The following OSBPL8 variants were observed in gnomAD, a reference collection of about 807,000 sequenced individuals.
OSBPL8 encodes oxysterol-binding protein-related protein 8.
OSBPL8 carries 59 observed loss-of-function variants against 125.5 expected under a neutral mutation model. The observed-to-expected ratio is 0.47, with a 90% CI of 0.38 to 0.58. OSBPL8 has a LOEUF of 0.58. Among genes scored for constraint, OSBPL8 ranks in the 20% least tolerant of loss-of-function variants. The pLI is 0.00. For synonymous variants in OSBPL8, 330 were observed against 338.9 expected (o/e 0.97, Z 0.29); for missense variants, 758 against 1,047.8 (o/e 0.72, Z 3.82).
At chr12:76,383,848 A>G (rs900530306) in intron 15 of OSBPL8, among the ~76,000 whole-genome samples, 2 of 152,172 alleles carry the variant, frequency 1.3e-5, no homozygotes, top group African/African-American at 2.4e-5. Context: ...AAAGTTAAAT[A>G]TATTTACTGA....
intron 1 of OSBPL8, among the ~76,000 whole-genome samples, chr12:76,551,117 T>C (rs1950924726): frequency 3.3e-5 from 5 of 151,888 alleles, no homozygotes; most frequent in Admixed American, 3.3e-4. Context: ...ACACACACAC[T>C]AGAAACTAGG....
At chr12:76,533,886 A>C (rs1035973327) in intron 1 of OSBPL8, among the ~76,000 whole-genome samples, 7 of 152,224 alleles carry the variant, frequency 4.6e-5, no homozygotes, top group African/African-American at 1.4e-4. Flanking sequence ...AATGAGGCAA[A>C]ATAAACAGAA....
chr12:76,493,719 T>C (rs1878980698), intron 1 of OSBPL8, among the ~76,000 whole-genome samples: 2 of 152,212 alleles, frequency 1.3e-5, no homozygotes, highest in Admixed American at 1.3e-4. Context: ...TTGGAGACCT[T>C]TGAGATTCCC....
chr12:76,383,200 G>A (rs1001381558), intron 15 of OSBPL8, among the ~76,000 whole-genome samples: 1 of 152,042 alleles, frequency 6.6e-6, no homozygotes, highest in African/African-American at 2.4e-5. Context: ...CAGAAAGTGA[G>A]CTATGCACCT....
chr12:76,423,843 C>T (rs1391791089), intron 4 of OSBPL8, among the ~76,000 whole-genome samples: 1 of 152,062 alleles, frequency 6.6e-6, no homozygotes, highest in Non-Finnish European at 1.5e-5. Context: ...TTATTAGTGG[C>T]TCATTTTTAT....
At chr12:76,542,874 A>G (rs1185064620) in intron 1 of OSBPL8, among the ~76,000 whole-genome samples, 2 of 152,188 alleles carry the variant, frequency 1.3e-5, no homozygotes, top group Admixed American at 1.3e-4. Flanking sequence ...ATTTTTTAAA[A>G]CACTCCAGTC....
intron 1 of OSBPL8, among the ~76,000 whole-genome samples, chr12:76,528,859 A>C (rs1950256422): frequency 6.6e-6 from 1 of 151,336 alleles, no homozygotes; most frequent in Non-Finnish European, 1.5e-5. Context: ...GTCTCAAAAA[A>C]ATAAAAATAA....
rs34875481 is a variant in OSBPL8, at chr12:76,456,603, CA to C, written c.79+3255del. Among the ~76,000 whole-genome samples, 26 of 143,958 alleles carry C rather than the reference CA, an allele frequency of 1.8e-4. 1 individual carries two copies. The highest frequency in any genetic ancestry group is 6.6e-4 in the South Asian group (3 of 4,550). The allele number at this position is 143,958 out of a possible 152,430, so 94.4% of individuals were successfully genotyped here. A position where few individuals can be genotyped will look rare whatever the true frequency, so the allele number is the denominator to read the frequency against. On this transcript the variant is annotated intron_variant, in intron 3 of 23. Coordinates refer to ENST00000261183, the MANE Select transcript of OSBPL8 (RefSeq NM_020841.5). ...TAGGTGACAGAGCAAGACTCCGTGT[CA>C]AAAAAAAAAAGTGCATTTAACTTTT... is the stretch of plus-strand genomic sequence containing the variant.
rs529629904 is a variant in OSBPL8 at position 76,358,304 on chromosome 12, C to G, written c.2434+402G>C. Among the ~76,000 whole-genome samples, 73 of 151,600 alleles carry G rather than the reference C, an allele frequency of 4.8e-4. 1 individual carries two copies. Among genetic ancestry groups the G allele is most frequent in the African/African-American group, 1.4e-3 (57 of 41,300 alleles). On this transcript the variant is annotated intron_variant, in intron 22 of 23. Transcript: ENST00000261183. ...AAGCAATTCTCGTGTCTCAGCCTCC[C>G]AAGTAGCTGGGATTACAGGTGTGCA...
chr12:76,390,657 C>G lies in OSBPL8; in HGVS notation c.930G>C (p.Gln310His). The change falls in exon 11 of 24, where the codon CAG (glutamine) becomes CAC (histidine). Residue 310 changes from glutamine (Q) to histidine (H), a missense_variant and splice_region_variant. Coordinates refer to ENST00000261183, the MANE Select transcript of OSBPL8 (RefSeq NM_020841.5). ...GTCGTTCAATTTCACTATCATTTAACCTTAAGGGAAAGAATTTTTAGGAGG... is the reference window on the plus strand; with the variant it reads ...GTCGTTCAATTTCACTATCATTTAAGCTTAAGGGAAAGAATTTTTAGGAGG... ...ANNLHSGDNF[Q>H]LNDSEIERQH... 6.3e-7 allele frequency: 1 copy of G among 1,591,226 alleles called. No homozygotes were observed. The highest frequency in any genetic ancestry group is 1.7e-4 in the Middle Eastern group (1 of 6,000).
chr12:76,479,309 T>C (rs1198432396), intron 2 of OSBPL8, among the ~76,000 whole-genome samples: 2 of 152,148 alleles, frequency 1.3e-5, no homozygotes, highest in East Asian at 1.9e-4. Flanking sequence ...AAACATCCCA[T>C]ATATCCCATA....
chr12:76,501,518 T>C (rs993979858), intron 1 of OSBPL8, among the ~76,000 whole-genome samples: 3 of 152,238 alleles, frequency 2.0e-5, no homozygotes, highest in African/African-American at 4.8e-5. Flanking sequence ...CAACAGGTGA[T>C]CTTAGCAGAG....
intron 10 of OSBPL8, among the ~76,000 whole-genome samples, chr12:76,391,819 A>G (rs1304971838): frequency 2.0e-5 from 3 of 152,178 alleles, no homozygotes; most frequent in African/African-American, 7.2e-5. Context: ...GCAAAATGAT[A>G]GGGAAGAAAT....
intron 2 of OSBPL8, among the ~76,000 whole-genome samples, chr12:76,465,090 G>C (rs533957069): frequency 6.6e-6 from 1 of 152,202 alleles, no homozygotes; most frequent in East Asian, 1.9e-4. Flanking sequence ...TTTTACCCTT[G>C]AGTTTCATGG....
At chr12:76,516,573 A>C (rs79211793) in intron 1 of OSBPL8, among the ~76,000 whole-genome samples, 11,847 of 152,284 alleles carry the variant, frequency 0.078, 640 homozygotes, top group Admixed American at 0.12. Context: ...AACCCCAAAA[A>C]AGTAAAAGAA....
At chr12:76,505,558 G>C (rs1409623898) in intron 1 of OSBPL8, among the ~76,000 whole-genome samples, 1 of 152,088 alleles carries the variant, frequency 6.6e-6, no homozygotes, top group Non-Finnish European at 1.5e-5. Flanking sequence ...GGAGTTGTCT[G>C]ATATGTCACA....
chr12:76,542,926 G>T (rs1384083618), intron 1 of OSBPL8, among the ~76,000 whole-genome samples: 2 of 152,110 alleles, frequency 1.3e-5, no homozygotes, highest in Non-Finnish European at 2.9e-5. Context: ...CAAGTTCCTT[G>T]ATCTTCCAAA....
chr12:76,481,740 T>C (rs1205847347), intron 2 of OSBPL8, among the ~76,000 whole-genome samples: 2 of 152,226 alleles, frequency 1.3e-5, no homozygotes, highest in African/African-American at 4.8e-5. Context: ...GTTAATTTAA[T>C]AGTATTTATA....
chr12:76,481,065 T>C (rs778497741), intron 2 of OSBPL8, among the ~76,000 whole-genome samples: 1 of 144,686 alleles, frequency 6.9e-6, no homozygotes, highest in Admixed American at 6.7e-5. Flanking sequence ...GAAGGGGCCA[T>C]GAGCCAAAAA....
Sources: gnomAD v4.1 joint callset for allele counts (sites outside exome capture counted in the v4.1 genomes callset) on GRCh38, gnomAD v4.1.1 for gene constraint, MANE v1.5 for transcripts, NCBI Gene and HGNC (gene_info 2026-07-23, HGNC 2026-07-21) for gene names.